TRIM9: variants seen among roughly 807,000 people sequenced by gnomAD.
TRIM9 encodes E3 ubiquitin-protein ligase TRIM9.
Under a neutral mutation model 78.3 loss-of-function variants are expected in TRIM9, and 26 were observed. The observed-to-expected ratio is 0.33, with a 90% CI of 0.24 to 0.46. The LOEUF (loss-of-function observed/expected upper bound fraction) is 0.46. Ranked by LOEUF, TRIM9 falls within the 20% of genes least tolerant of loss-of-function variation. The probability of loss-of-function intolerance (pLI) is 1.00; values close to 1 mark genes in which losing one functional copy is unlikely to be tolerated. For missense variants in TRIM9, 787 were observed against 1,036.4 expected (o/e 0.76, Z 3.30); for synonymous variants, 398 against 416.5 (o/e 0.96, Z 0.54).
At chr14:51,053,509 CTT>C (rs201980160) in intron 1 of TRIM9, among the ~76,000 whole-genome samples, 27,985 of 113,406 alleles carry the variant, frequency 0.25, 2,904 homozygotes, top group African/African-American at 0.32. Context: ...AACAGGTATT[CTT>C]TTTTTTTTTT....
chr14:51,045,151 C>T (rs79502931), intron 1 of TRIM9, among the ~76,000 whole-genome samples: 1 of 152,180 alleles, frequency 6.6e-6, no homozygotes, highest in Non-Finnish European at 1.5e-5. Flanking sequence ...ACCAGCTGCT[C>T]AGCTGGTGAG....
chr14:50,979,376 A>T lies in TRIM9; in HGVS notation c.2325+11T>A. 6.2e-7 allele frequency: 1 copy of T among 1,614,198 alleles called. No individual in the cohort carries two copies. Among genetic ancestry groups the T allele is most frequent in the Non-Finnish European group, 8.5e-7 (1 of 1,180,020 alleles). Reference sequence around the variant, plus strand: ...GCAACAGCTGTTTAACCTCAGGGGCAGGGTGCTTACCTGCACGTTCCTGTT... The same window carrying T: ...GCAACAGCTGTTTAACCTCAGGGGCTGGGTGCTTACCTGCACGTTCCTGTT... On this transcript the variant is annotated intron_variant, in intron 12 of 12. Transcript: ENST00000684578.
At chr14:51,031,216 T>C (rs1029082841) in intron 1 of TRIM9, among the ~76,000 whole-genome samples, 1 of 151,524 alleles carries the variant, frequency 6.6e-6, no homozygotes, top group African/African-American at 2.4e-5. Context: ...TTGACCAAGT[T>C]ATAGCCAGGG....
chr14:51,083,254 ATTAAT>A (rs1238349572), intron 1 of TRIM9, among the ~76,000 whole-genome samples: 8 of 151,966 alleles, frequency 5.3e-5, no homozygotes, highest in African/African-American at 1.9e-4. Context: ...TTTTTAATTA[ATTAAT>A]TTATTTATTT....
chr14:51,094,403 G>C lies in TRIM9; in HGVS notation c.537C>G (p.Thr179=), dbSNP rs139791188. 2 of 1,613,926 alleles carry C rather than the reference G, an allele frequency of 1.2e-6. No individual in the cohort carries two copies. The highest frequency in any genetic ancestry group is 3.3e-5 in the Admixed American group (2 of 60,034). Reference sequence around the variant, plus strand: ...AGACATCGCACTGTTCGCACATGACGGTGGCTTCCTTGGGCGCCTTCTCGC... The same window carrying C: ...AGACATCGCACTGTTCGCACATGACCGTGGCTTCCTTGGGCGCCTTCTCGC... ...QLCEKAPKEA[T]VMCEQCDVFY... Residue 179 remains threonine (T), a synonymous_variant, in exon 1 of 13, where the codon ACC becomes ACG. Coordinates refer to ENST00000684578, the MANE Select transcript of TRIM9 (RefSeq NM_001387360.1).
chr14:51,065,586 T>C (rs933177187), intron 1 of TRIM9, among the ~76,000 whole-genome samples: 1 of 152,224 alleles, frequency 6.6e-6, no homozygotes, highest in African/African-American at 2.4e-5. Context: ...TGCCCTCCTT[T>C]GACAAGTGTA....
rs567467452 is a variant in TRIM9 at position 51,002,382 on chromosome 14, C to T, written c.1307-1542G>A. On this transcript the variant is annotated intron_variant, in intron 5 of 12. Coordinates refer to ENST00000684578, the MANE Select transcript of TRIM9 (RefSeq NM_001387360.1). ...ATCTACTGACCTCATGATCCACCTGCCTCGGCCTCCCAAAGTGCTGGGATT... is the reference window on the plus strand; with the variant it reads ...ATCTACTGACCTCATGATCCACCTGTCTCGGCCTCCCAAAGTGCTGGGATT... Among the ~76,000 whole-genome samples the T allele has an allele frequency of 2.6e-5, 4 of 152,154 alleles. No individual in the cohort carries two copies. In the South Asian group the frequency reaches 8.3e-4, roughly 32 times the overall value.
At chr14:51,025,773 ATAGAG>A (rs768627874) in intron 1 of TRIM9, among the ~76,000 whole-genome samples, 21 of 152,278 alleles carry the variant, frequency 1.4e-4, no homozygotes, top group African/African-American at 3.4e-4. Flanking sequence ...GGCAGAAAGA[ATAGAG>A]TAAAGAACAG....
chr14:50,983,592 G>T (rs536722434), intron 8 of TRIM9, among the ~76,000 whole-genome samples, 171 bp from the exon 9 acceptor site: 24 of 152,114 alleles, frequency 1.6e-4, no homozygotes, highest in Non-Finnish European at 2.5e-4. Context: ...CTGCCCCTCT[G>T]CTCTTTCAAA....
intron 5 of TRIM9, 26 bp downstream of exon 5, chr14:51,009,054 C>G: frequency 6.2e-7 from 1 of 1,611,872 alleles, no homozygotes. Flanking sequence ...ATGTTGCTCT[C>G]TGACTTGGGG....
chr14:50,982,553 G>A, intron 10 of TRIM9: 1 of 311,614 alleles, frequency 3.2e-6, no homozygotes, highest in South Asian at 5.6e-5. Flanking sequence ...TATCCCTTCG[G>A]CAGAAGTGCT....
At chr14:51,033,802 AAAT>A (rs1262554583) in intron 1 of TRIM9, among the ~76,000 whole-genome samples, 4 of 152,272 alleles carry the variant, frequency 2.6e-5, no homozygotes, top group African/African-American at 9.6e-5. Flanking sequence ...TCAAGCAGAT[AAAT>A]AATAAGCAAG....
intron 1 of TRIM9, among the ~76,000 whole-genome samples, chr14:51,088,033 C>A (rs1040725117): frequency 5.3e-5 from 8 of 152,254 alleles, no homozygotes; most frequent in Middle Eastern, 3.4e-3. Context: ...ATAAATACTA[C>A]AAAACTTATG....
chr14:51,089,050 A>G (rs1344915428), intron 1 of TRIM9: 4 of 151,868 alleles, frequency 2.6e-5, no homozygotes, highest in Non-Finnish European at 5.9e-5. Context: ...AGATGCCATT[A>G]TAATTCACTG....
intron 1 of TRIM9, among the ~76,000 whole-genome samples, chr14:51,051,951 A>T (rs1461973835): frequency 6.7e-6 from 1 of 149,020 alleles, no homozygotes; most frequent in Non-Finnish European, 1.5e-5. Flanking sequence ...TAGGCAACAG[A>T]GACCCTGTCT....
At chr14:51,060,996 T>C (rs950233514) in intron 1 of TRIM9, among the ~76,000 whole-genome samples, 1 of 152,260 alleles carries the variant, frequency 6.6e-6, no homozygotes, top group Non-Finnish European at 1.5e-5. Context: ...TAAAATGGCA[T>C]CTTATTATGG....
chr14:50,994,804 C>T (rs1259877574), intron 7 of TRIM9, among the ~76,000 whole-genome samples: 1 of 152,184 alleles, frequency 6.6e-6, no homozygotes, highest in African/African-American at 2.4e-5. Context: ...TAAAGATACC[C>T]ATGACCAAGT....
intron 8 of TRIM9, among the ~76,000 whole-genome samples, chr14:50,985,483 C>A (rs557301880): frequency 4.6e-5 from 7 of 152,238 alleles, no homozygotes; most frequent in African/African-American, 1.4e-4. Context: ...TTTTATTGTA[C>A]TTTGTCAATA....
chr14:51,072,944 C>CA (rs2062425994), intron 1 of TRIM9, among the ~76,000 whole-genome samples: 1 of 151,800 alleles, frequency 6.6e-6, no homozygotes, highest in Non-Finnish European at 1.5e-5. Flanking sequence ...GCTCTCAAGA[C>CA]AAAACCACAA....
Sources: gnomAD v4.1 joint callset for allele counts (sites outside exome capture counted in the v4.1 genomes callset) on GRCh38, gnomAD v4.1.1 for gene constraint, MANE v1.5 for transcripts, NCBI Gene and HGNC (gene_info 2026-07-23, HGNC 2026-07-21) for gene names.